Variants in INTS6 observed in about 807,000 individuals in gnomAD.
INTS6 encodes the protein DEAD box protein.
A neutral mutation model predicts 104.9 loss-of-function variants in INTS6; 16 were observed. The ratio of observed to expected loss-of-function variants is 0.15; its 90% confidence interval spans 0.10 to 0.23. The LOEUF is 0.23. INTS6 is among the 10% of genes least tolerant of loss of function. INTS6 has a pLI of 1.00. For missense variants in INTS6, 584 were observed against 1,062.8 expected (o/e 0.55, Z 6.26); for synonymous variants, 324 against 358.7 (o/e 0.90, Z 1.09).
exon 4 of INTS6, chr13:51,354,296 T>G (rs926765591): frequency 3.9e-5 from 6 of 152,160 alleles, no homozygotes; most frequent in African/African-American, 1.4e-4. Context: ...TATGTCATCT[T>G]GGGCAAGTTT....
At chr13:51,372,558 GC>G (rs1429931844) in intron 15 of INTS6, among the ~76,000 whole-genome samples, 2 of 151,928 alleles carry the variant, frequency 1.3e-5, no homozygotes, top group African/African-American at 2.4e-5. Context: ...TACCCCTCTA[GC>G]CCAATCCTCT....
chr13:51,400,088 C>G (rs753265930), intron 4 of INTS6, among the ~76,000 whole-genome samples: 6 of 152,142 alleles, frequency 3.9e-5, no homozygotes, highest in African/African-American at 1.4e-4. Flanking sequence ...GTGAACTGCA[C>G]ATGCAAGGAA....
chr13:51,404,103 C>G (rs9596509), intron 4 of INTS6, among the ~76,000 whole-genome samples: 20,428 of 103,300 alleles, frequency 0.2, 1,780 homozygotes, highest in South Asian at 0.29. Flanking sequence ...CACACACACA[C>G]AGAGAGAGAG....
chr13:51,429,125 G>C (rs944869), intron 4 of INTS6, among the ~76,000 whole-genome samples: 3,427 of 152,266 alleles, frequency 0.023, 216 homozygotes, highest in Admixed American at 0.14. Context: ...CTGCTAGAAA[G>C]TAGATAAACA....
At chr13:51,386,470 G>A (rs1956142682) in intron 7 of INTS6, among the ~76,000 whole-genome samples, 1 of 151,920 alleles carries the variant, frequency 6.6e-6, no homozygotes, top group African/African-American at 2.4e-5. Flanking sequence ...AAAAAGAAAA[G>A]GTATAATGAA....
intron 15 of INTS6, among the ~76,000 whole-genome samples, chr13:51,370,517 G>A (rs1955782393): frequency 6.6e-6 from 1 of 152,128 alleles, no homozygotes; most frequent in Admixed American, 6.5e-5. Flanking sequence ...AGTTCAAGAA[G>A]CCAAAGAAGA....
chr13:51,348,147 G>A, the INTS6 span: 1 of 1,266,942 alleles, frequency 7.9e-7, no homozygotes, highest in Non-Finnish European at 1.1e-6. Flanking sequence ...CTCTCTCAGG[G>A]TCCGACACTG....
At chr13:51,430,444 G>T in intron 3 of INTS6, 61 bp from the exon 4 acceptor site, 2 of 1,335,090 alleles carry the variant, frequency 1.5e-6, no homozygotes, top group Non-Finnish European at 2.1e-6. Context: ...AAAGTAAAAA[G>T]TCAATTCTCA....
At chr13:51,432,293 TTCCC>T (rs1288841301) in intron 3 of INTS6, among the ~76,000 whole-genome samples, 1 of 152,174 alleles carries the variant, frequency 6.6e-6, no homozygotes, top group Non-Finnish European at 1.5e-5. Context: ...TGAATACCAC[TTCCC>T]TACAACATCT....
intron 4 of INTS6, among the ~76,000 whole-genome samples, chr13:51,410,973 A>C (rs1956673294): frequency 6.6e-6 from 1 of 152,086 alleles, no homozygotes; most frequent in African/African-American, 2.4e-5. Flanking sequence ...GCACTTTGGG[A>C]GGCAGAGGCA....
intron 3 of INTS6, chr13:51,450,331 T>TCA (rs1953010189): frequency 7.1e-6 from 7 of 985,440 alleles, no homozygotes; most frequent in Non-Finnish European, 8.4e-6. Context: ...AAAGCTCCTC[T>TCA]CATCCTCAAA....
intron 4 of INTS6, among the ~76,000 whole-genome samples, chr13:51,406,212 T>C (rs1797382302): frequency 6.6e-6 from 1 of 152,084 alleles, no homozygotes; most frequent in Non-Finnish European, 1.5e-5. Flanking sequence ...ACAGCTTCAA[T>C]TCCTATCAAT....
intron 13 of INTS6, 24 bp downstream of exon 13, chr13:51,376,024 C>T (rs1252469180): frequency 5.1e-6 from 8 of 1,561,954 alleles, no homozygotes; most frequent in Non-Finnish European, 6.9e-6. Flanking sequence ...ATTAAAAATA[C>T]CAGTATTGAA....
At chr13:51,441,278 A>C (rs543648961) in intron 3 of INTS6, 32 of 152,306 alleles carry the variant, frequency 2.1e-4, no homozygotes, top group South Asian at 4.1e-4. Context: ...CCATAATTTC[A>C]ATTTTTAAAA....
At chr13:51,408,965 A>G (rs1956630390) in intron 4 of INTS6, among the ~76,000 whole-genome samples, 2 of 152,186 alleles carry the variant, frequency 1.3e-5, no homozygotes, top group Non-Finnish European at 2.9e-5. Flanking sequence ...AAAATTATCT[A>G]GGCAGCTGCA....
chr13:51,427,914 C>T (rs1331684248), intron 4 of INTS6, among the ~76,000 whole-genome samples: 1 of 152,144 alleles, frequency 6.6e-6, no homozygotes, highest in Admixed American at 6.5e-5. Context: ...AAACACATTG[C>T]CCTATTTTTC....
chr13:51,419,843 C>A (rs1380170016), intron 4 of INTS6, among the ~76,000 whole-genome samples: 2 of 152,132 alleles, frequency 1.3e-5, no homozygotes, highest in Non-Finnish European at 2.9e-5. Flanking sequence ...AGAAGTAGTA[C>A]AATACAACTC....
intron 3 of INTS6, among the ~76,000 whole-genome samples, chr13:51,436,216 T>C (rs1952683768): frequency 6.6e-6 from 1 of 151,898 alleles, no homozygotes; most frequent in Non-Finnish European, 1.5e-5. Context: ...ATACTTCAAC[T>C]TTTTTTTAAC....
intron 4 of INTS6, among the ~76,000 whole-genome samples, chr13:51,406,713 G>A (rs888411848): frequency 2.6e-5 from 4 of 152,056 alleles, no homozygotes; most frequent in Non-Finnish European, 5.9e-5. Context: ...AGCATGGTCT[G>A]GAAGCCCCCT....
Sources: allele counts gnomAD v4.1 joint callset (sites outside exome capture counted in the v4.1 genomes callset), GRCh38; gene constraint gnomAD v4.1.1; transcripts MANE v1.5; gene names NCBI Gene and HGNC (gene_info 2026-07-23, HGNC 2026-07-21).